The following NXPE1 variants were observed in gnomAD, a reference collection of about 807,000 sequenced individuals.
NXPE1 encodes neurexophilin and PC-esterase domain family member 1.
In NXPE1, 31 loss-of-function variants were observed where a neutral mutation model predicts 33.3. The observed-to-expected ratio is 0.93, with a 90% CI of 0.70 to 1.26. The LOEUF (loss-of-function observed/expected upper bound fraction) is 1.26. Ranked by LOEUF, NXPE1 falls within the 50% of genes most tolerant of loss-of-function variation. NXPE1 has a pLI of 0.00. For synonymous variants in NXPE1, 229 were observed against 231.4 expected (o/e 0.99, Z 0.09); for missense variants, 661 against 655.6 (o/e 1.01, Z -0.09).
rs192273443 is a variant in NXPE1 at position 114,544,964 on chromosome 11, A to G, written c.99+6139T>C. On this transcript the variant is annotated intron_variant, in intron 5 of 8. Transcript: ENST00000534921. ...CATTACAACTAAATATATAAAAAAGACACTCAATTTTATTCGTCAGGGAGA... is the reference window on the plus strand; with the variant it reads ...CATTACAACTAAATATATAAAAAAGGCACTCAATTTTATTCGTCAGGGAGA... Among the ~76,000 whole-genome samples the G allele has an allele frequency of 3.0e-3, 455 of 152,314 alleles. 3 individuals carry two copies. Among genetic ancestry groups the G allele is most frequent in the African/African-American group, 0.011 (441 of 41,562 alleles).
intron 5 of NXPE1, among the ~76,000 whole-genome samples, chr11:114,536,338 G>C (rs1415973687): frequency 6.6e-6 from 1 of 152,022 alleles, no homozygotes; most frequent in African/African-American, 2.4e-5. Context: ...CAGGAAAGAT[G>C]AAAAATTGAC....
intron 5 of NXPE1, among the ~76,000 whole-genome samples, chr11:114,532,336 C>A (rs750235112): frequency 3.3e-5 from 5 of 152,022 alleles, no homozygotes; most frequent in Non-Finnish European, 5.9e-5. Flanking sequence ...AAATGAAATT[C>A]CCCCAAAAGA....
intron 7 of NXPE1, among the ~76,000 whole-genome samples, chr11:114,524,342 C>T (rs1947303771): frequency 6.6e-6 from 1 of 152,128 alleles, no homozygotes; most frequent in Non-Finnish European, 1.5e-5. Flanking sequence ...TCTGCTTTAC[C>T]CTCCTTGCTT....
At chr11:114,546,444 T>TA (rs1948285952) in intron 5 of NXPE1, among the ~76,000 whole-genome samples, 2 of 149,978 alleles carry the variant, frequency 1.3e-5, no homozygotes, top group Admixed American at 1.3e-4. Context: ...CTGGCTAGTA[T>TA]CATACATATA....
rs778296739 is a variant in NXPE1 at position 114,523,066 on chromosome 11, G to C, written c.921C>G (p.Cys307Trp). 12 of 1,613,212 alleles carry C rather than the reference G, an allele frequency of 7.4e-6. No homozygotes were observed. In the South Asian group the frequency reaches 1.3e-4, roughly 18 times the overall value. ...GGACAGGAGGCTTCATTCCAACTTG[G>C]CATGTCTCTTCTATTTTTTCTCTCT... Residue 307 changes from cysteine to tryptophan, a missense_variant, in exon 8 of 9, where the codon TGC becomes TGG. Coordinates refer to ENST00000534921, the Ensembl canonical transcript of NXPE1.
At chr11:114,534,582 G>C (rs988179643) in intron 5 of NXPE1, among the ~76,000 whole-genome samples, 1 of 152,196 alleles carries the variant, frequency 6.6e-6, no homozygotes, top group Admixed American at 6.5e-5. Context: ...ATGCAGAGAA[G>C]TCCTTAAAGG....
At chr11:114,542,023 G>A (rs1948115547) in intron 5 of NXPE1, among the ~76,000 whole-genome samples, 1 of 152,054 alleles carries the variant, frequency 6.6e-6, no homozygotes, top group African/African-American at 2.4e-5. Flanking sequence ...TATGGCTGTG[G>A]CTATATCAAT....
chr11:114,552,668 G>A (rs73016126), intron 2 of NXPE1, among the ~76,000 whole-genome samples, 184 bp downstream of exon 2: 4 of 151,610 alleles, frequency 2.6e-5, no homozygotes, highest in Middle Eastern at 3.4e-3. Flanking sequence ...AGTGAATTTT[G>A]TAAAGTATGA....
intron 1 of NXPE1, among the ~76,000 whole-genome samples, chr11:114,557,210 G>T (rs185085291): frequency 6.6e-6 from 1 of 152,024 alleles, no homozygotes; most frequent in Admixed American, 6.6e-5. Context: ...TTGACCTCTT[G>T]TGTATTAGTC....
chr11:114,533,741 G>A (rs1199445038), intron 5 of NXPE1, among the ~76,000 whole-genome samples: 1 of 152,186 alleles, frequency 6.6e-6, no homozygotes, highest in Non-Finnish European at 1.5e-5. Flanking sequence ...CTAGGGGAGG[G>A]GCACCCACCA....
chr11:114,522,856 G>A (rs1173268634), intron 8 of NXPE1, 23 bp downstream of exon 8: 3 of 1,531,556 alleles, frequency 2.0e-6, no homozygotes, highest in Middle Eastern at 1.7e-4. Flanking sequence ...GAATTTCTAA[G>A]AGAATATAAA....
intron 5 of NXPE1, among the ~76,000 whole-genome samples, chr11:114,536,281 CAG>C (rs879868667): frequency 7.4e-4 from 112 of 152,138 alleles, no homozygotes; most frequent in Non-Finnish European, 1.3e-3. Context: ...ATATTCAAAG[CAG>C]TGTGTAGAGG....
intron 1 of NXPE1, chr11:114,553,539 TC>T (rs1320317836): frequency 1.5e-5 from 3 of 195,026 alleles, no homozygotes; most frequent in African/African-American, 7.1e-5. Context: ...ATTAACCCCA[TC>T]CTCTATACCA....
chr11:114,538,699 G>C (rs1947948022), intron 5 of NXPE1, among the ~76,000 whole-genome samples: 1 of 152,124 alleles, frequency 6.6e-6, no homozygotes, highest in African/African-American at 2.4e-5. Context: ...ATCATCACTG[G>C]CCATCAGAGA....
intron 2 of NXPE1, 56 bp downstream of exon 2, chr11:114,552,796 C>A: frequency 1.3e-6 from 1 of 749,190 alleles, no homozygotes; most frequent in Non-Finnish European, 1.6e-6. Flanking sequence ...ATCTTAGATT[C>A]TCAATCTCCT....
chr11:114,528,267 T>A (rs944839361), intron 6 of NXPE1, among the ~76,000 whole-genome samples: 4 of 152,190 alleles, frequency 2.6e-5, no homozygotes, highest in Admixed American at 2.6e-4. Flanking sequence ...CTCTAATTGG[T>A]CATGCAAGTC....
chr11:114,537,081 C>T (rs556798395), intron 5 of NXPE1, among the ~76,000 whole-genome samples: 17 of 152,312 alleles, frequency 1.1e-4, no homozygotes, highest in African/African-American at 1.7e-4. Context: ...GCTTATCCAC[C>T]GTGATCAAAT....
At chr11:114,534,621 A>T (rs1238428665) in intron 5 of NXPE1, among the ~76,000 whole-genome samples, 8 of 152,258 alleles carry the variant, frequency 5.3e-5, no homozygotes, top group Admixed American at 4.6e-4. Context: ...CCACAGCACG[A>T]GAGCTACGTG....
chr11:114,526,468 G>C (rs1947373287), intron 7 of NXPE1: 2 of 66,164 alleles, frequency 3.0e-5, no homozygotes, highest in Non-Finnish European at 6.5e-5. Flanking sequence ...TCATGCTTTT[G>C]TTAAATTGTG....
Sources: allele counts gnomAD v4.1 joint callset (sites outside exome capture counted in the v4.1 genomes callset), GRCh38; gene constraint gnomAD v4.1.1; transcripts MANE v1.5; gene names NCBI Gene and HGNC (gene_info 2026-07-23, HGNC 2026-07-21).